Variants in LHFPL2 observed in about 807,000 individuals in gnomAD.
LHFPL2 encodes LHFPL tetraspan subfamily member 2.
LHFPL2 carries 7 observed loss-of-function variants against 17.5 expected under a neutral mutation model. That is an observed-to-expected ratio of 0.40 (90% CI 0.23 to 0.75). The LOEUF is 0.75. Among genes scored for constraint, LHFPL2 ranks in the 30% least tolerant of loss-of-function variants. The pLI, the probability that LHFPL2 is intolerant of heterozygous loss-of-function variation, is 0.37. For synonymous variants in LHFPL2, 134 were observed against 116.2 expected, an observed-to-expected ratio of 1.15 and a Z score of -0.99; for missense variants, 241 against 294.8, an observed-to-expected ratio of 0.82 and a Z score of 1.34.
At chr5:78,538,748 A>T (rs1018985271) in intron 3 of LHFPL2, among the ~76,000 whole-genome samples, 2 of 152,168 alleles carry the variant, frequency 1.3e-5, no homozygotes, top group Admixed American at 6.5e-5. Context: ...CTTTCTCCAT[A>T]TGATCCCTGT....
chr5:78,612,422 A>G (rs1270000087), intron 2 of LHFPL2, among the ~76,000 whole-genome samples: 4 of 152,216 alleles, frequency 2.6e-5, no homozygotes, highest in Admixed American at 6.5e-5. Flanking sequence ...TATGACTACT[A>G]TTTATCCACA....
intron 3 of LHFPL2, among the ~76,000 whole-genome samples, chr5:78,511,822 C>T (rs1755137221): frequency 6.6e-6 from 1 of 152,130 alleles, no homozygotes; most frequent in Admixed American, 6.5e-5. Context: ...TTTGGGGACA[C>T]AGCTAGTGCA....
At chr5:78,521,905 C>T (rs79722480) in intron 3 of LHFPL2, among the ~76,000 whole-genome samples, 4,019 of 152,212 alleles carry the variant, frequency 0.026, 181 homozygotes, top group African/African-American at 0.092. Context: ...GCTGGCTATG[C>T]GGAGGAGAGC....
Position 78,485,398 on chromosome 5 carries a change from A to G in LHFPL2, c.*3499T>C, listed in dbSNP as rs1754204740. ...GTCCATCAGCTGTAAATACAATTTT[A>G]TATTTGGCTCAAGTGGCTGTTGAAT... On this transcript the variant is annotated 3_prime_UTR_variant, in exon 5 of 5. Transcript: ENST00000380345. 6.6e-6 allele frequency: 1 copy of G among 152,658 alleles called. No individual in the cohort carries two copies. Among genetic ancestry groups the G allele is most frequent in the South Asian group, 2.1e-4 (1 of 4,834 alleles). The allele number at this position is 152,658 out of a possible 1,614,324, so 9.5% of individuals were successfully genotyped here. A position where few individuals can be genotyped will look rare whatever the true frequency, so the allele number is the denominator to read the frequency against.
chr5:78,530,052 T>C (rs1334925313), intron 3 of LHFPL2, among the ~76,000 whole-genome samples: 3 of 152,244 alleles, frequency 2.0e-5, no homozygotes, highest in African/African-American at 7.2e-5. Context: ...CAAATGCCAT[T>C]TTGCCCATGC....
At chr5:78,555,318 A>C (rs890713225) in intron 3 of LHFPL2, among the ~76,000 whole-genome samples, 1 of 152,264 alleles carries the variant, frequency 6.6e-6, no homozygotes, top group African/African-American at 2.4e-5. Flanking sequence ...CCATACAGAG[A>C]ATTTAAAATA....
At chr5:78,522,636 A>G (rs756536323) in intron 3 of LHFPL2, among the ~76,000 whole-genome samples, 1 of 152,162 alleles carries the variant, frequency 6.6e-6, no homozygotes, top group Non-Finnish European at 1.5e-5. Flanking sequence ...TTCACAACCA[A>G]TTGTCCAAGG....
chr5:78,535,104 T>C (rs1332511905), intron 3 of LHFPL2, among the ~76,000 whole-genome samples: 1 of 152,186 alleles, frequency 6.6e-6, no homozygotes, highest in Non-Finnish European at 1.5e-5. Flanking sequence ...TCCATTACAT[T>C]TTCTTCCTCT....
intron 3 of LHFPL2, among the ~76,000 whole-genome samples, chr5:78,537,312 C>T (rs1755978715): frequency 6.6e-6 from 1 of 152,184 alleles, no homozygotes; most frequent in African/African-American, 2.4e-5. Flanking sequence ...CCTCCCTTGA[C>T]CTGCCAAGGT....
intron 2 of LHFPL2, among the ~76,000 whole-genome samples, chr5:78,588,475 T>G (rs566861768): frequency 6.6e-5 from 10 of 152,362 alleles, no homozygotes; most frequent in Admixed American, 1.3e-4. Flanking sequence ...TTAGTAACCT[T>G]GGGCAAATAA....
intron 2 of LHFPL2, among the ~76,000 whole-genome samples, chr5:78,576,712 C>T (rs1021925116): frequency 3.3e-5 from 5 of 152,190 alleles, no homozygotes; most frequent in African/African-American, 9.7e-5. Flanking sequence ...TCATTCTAGG[C>T]TCCCACTGGA....
chr5:78,562,634 CAAAA>C (rs35163869), intron 3 of LHFPL2, among the ~76,000 whole-genome samples: 1 of 113,118 alleles, frequency 8.8e-6, no homozygotes. Flanking sequence ...GATTCCACCT[CAAAA>C]AAAAAAAAAA....
At chr5:78,637,373 T>C (rs928128596) in intron 1 of LHFPL2, among the ~76,000 whole-genome samples, 1 of 148,572 alleles carries the variant, frequency 6.7e-6, no homozygotes, top group Non-Finnish European at 1.5e-5. Flanking sequence ...AATGAGGAAA[T>C]CATTTTAACT....
In LHFPL2 at chr5:78,548,219, C is replaced by T. The variant is rs375094959; in HGVS notation, c.-186+16594G>A. On this transcript the variant is annotated intron_variant, in intron 3 of 4. Coordinates refer to ENST00000380345, the MANE Select transcript of LHFPL2 (RefSeq NM_005779.3). The stretch of plus-strand genomic sequence containing the variant: ...AGGCCTGGATGTGGCGATGCAGAGG[C>T]CTCCCAGCTACGGTACATAAGCTAC... 5.9e-5 allele frequency among the ~76,000 whole-genome samples: 9 copies of T among 152,354 alleles called. No individual in the cohort carries two copies. The East Asian group carries it at 1.4e-3, about 23-fold the overall frequency.
At chr5:78,596,154 C>T (rs1049604475) in intron 2 of LHFPL2, among the ~76,000 whole-genome samples, 2 of 152,154 alleles carry the variant, frequency 1.3e-5, no homozygotes, top group Non-Finnish European at 2.9e-5. Flanking sequence ...CTAAATTATA[C>T]ATTTATTTTC....
At chr5:78,603,395 C>T (rs941030607) in intron 2 of LHFPL2, among the ~76,000 whole-genome samples, 1 of 152,196 alleles carries the variant, frequency 6.6e-6, no homozygotes, top group Non-Finnish European at 1.5e-5. Context: ...ACCTCCAAGT[C>T]GATTCTTTTT....
chr5:78,620,718 C>T (rs1343971907), intron 2 of LHFPL2, among the ~76,000 whole-genome samples: 1 of 152,232 alleles, frequency 6.6e-6, no homozygotes, highest in African/African-American at 2.4e-5. Context: ...AGAGCACCCA[C>T]AATGCCACAT....
intron 1 of LHFPL2, among the ~76,000 whole-genome samples, chr5:78,645,895 A>G (rs1745859264): frequency 6.6e-6 from 1 of 152,160 alleles, no homozygotes; most frequent in Admixed American, 6.5e-5. Context: ...CAAGGCATAT[A>G]TTAAAGCTTT....
At chr5:78,567,063 A>G (rs1381743085) in intron 2 of LHFPL2, among the ~76,000 whole-genome samples, 1 of 152,222 alleles carries the variant, frequency 6.6e-6, no homozygotes, top group Non-Finnish European at 1.5e-5. Flanking sequence ...CATATAAACC[A>G]AGCAAAGCTC....
Sources: allele counts gnomAD v4.1 joint callset (sites outside exome capture counted in the v4.1 genomes callset), GRCh38; gene constraint gnomAD v4.1.1; transcripts MANE v1.5; gene names NCBI Gene and HGNC (gene_info 2026-07-23, HGNC 2026-07-21).